The following DNAH17 variants were observed in gnomAD, a reference collection of about 807,000 sequenced individuals.
DNAH17 encodes the protein axonemal beta dynein heavy chain 17.
In DNAH17, 376 loss-of-function variants were observed where a neutral mutation model predicts 485.6. The observed-to-expected ratio is 0.77, with a 90% confidence interval of 0.71 to 0.84. The LOEUF (loss-of-function observed/expected upper bound fraction) is 0.84, where lower values mean the gene tolerates loss of function less well. Ranked by LOEUF, DNAH17 falls within the 40% of genes least tolerant of loss-of-function variation. DNAH17 has a pLI of 0.00. For synonymous variants in DNAH17, 3,031 were observed against 2,405.9 expected (o/e 1.26, Z -7.60); for missense variants, 6,370 against 5,839.3 (o/e 1.09, Z -2.96).
At chr17:78,504,894 C>CTTTT (rs66596656) in intron 31 of DNAH17, among the ~76,000 whole-genome samples, 12 of 58,938 alleles carry the variant, frequency 2.0e-4, no homozygotes, top group African/African-American at 2.8e-4. Flanking sequence ...ATTAACAGGG[C>CTTTT]TTTTTTTTTT....
In DNAH17 at chr17:78,505,418, C is replaced by A. The variant is rs748678130; in HGVS notation, c.4831G>T (p.Asp1611Tyr). The stretch of plus-strand genomic sequence containing the variant: ...CGGAACTTCAGTTTACACAGGCTAT[C>A]GAAGAGTTTGGACAGGTGGCGGCTC... ...EVSRHLSKLF[D>Y]SLCKLKFRLD... Residue 1611 changes from aspartate to tyrosine, a missense_variant, in exon 31 of 81, where the codon GAT becomes TAT. Asp to Tyr is a radical substitution (Grantham distance 160). Transcript: ENST00000389840. 6 of 1,613,802 alleles carry A rather than the reference C, an allele frequency of 3.7e-6. No homozygotes were observed. The highest frequency in any genetic ancestry group is 1.7e-5 in the Admixed American group (1 of 59,996).
chr17:78,537,334 T>C lies in DNAH17; in HGVS notation c.2824A>G (p.Ile942Val), dbSNP rs201727778. Reference protein sequence around the residue: ...VNDIYNVARLIPRLAKDRMNY... With the variant: ...VNDIYNVARLVPRLAKDRMNY... ...ATCCTGTCCTTGGCCAGCCGAGGGATGAGCCTGGCTACGTTGTAGATGTCG... is the reference window on the plus strand; with the variant it reads ...ATCCTGTCCTTGGCCAGCCGAGGGACGAGCCTGGCTACGTTGTAGATGTCG... Residue 942 changes from isoleucine to valine, a missense_variant, in exon 19 of 81, where the codon ATC becomes GTC. Ile to Val is a conservative substitution (Grantham distance 29). Coordinates refer to ENST00000389840, the MANE Select transcript of DNAH17 (RefSeq NM_173628.4). 6.8e-5 allele frequency: 109 copies of C among 1,595,106 alleles called. No homozygotes were observed. In the African/African-American group the frequency reaches 1.3e-3, roughly 19 times the overall value.
chr17:78,453,894 G>A (rs912167048), intron 64 of DNAH17, among the ~76,000 whole-genome samples: 1 of 151,996 alleles, frequency 6.6e-6, no homozygotes, highest in African/African-American at 2.4e-5. Context: ...TTGTTGGAGA[G>A]ACAAGGTCTC....
chr17:78,501,434 C>T, intron 34 of DNAH17, 90 bp from the exon 35 acceptor site: 1 of 1,462,322 alleles, frequency 6.8e-7, no homozygotes, highest in Non-Finnish European at 9.1e-7. Flanking sequence ...AGGCCGGTCC[C>T]CTGCTGCCCA....
intron 51 of DNAH17, among the ~76,000 whole-genome samples, chr17:78,477,942 T>TCACCACCACCATCAC (rs1243475769): frequency 0.017 from 2,488 of 144,584 alleles, 148 homozygotes; most frequent in African/African-American, 0.061. Context: ...ATCACCACCA[T>TCACCACCACCATCAC]CACCATTATC....
intron 40 of DNAH17, 22 bp downstream of exon 40, chr17:78,494,571 C>T (rs528867967): frequency 3.1e-6 from 5 of 1,612,038 alleles, no homozygotes; most frequent in African/African-American, 1.3e-5. Flanking sequence ...TCCGGACAGA[C>T]CTGAGACCCA....
chr17:78,434,336 TG>T, intron 74 of DNAH17, 116 bp from the exon 75 acceptor site: 6 of 910,360 alleles, frequency 6.6e-6, no homozygotes, highest in Non-Finnish European at 8.1e-6. Flanking sequence ...GTGGGGGCGG[TG>T]GGGGGTACAA....
intron 51 of DNAH17, among the ~76,000 whole-genome samples, chr17:78,477,427 G>GACA (rs1236545521): frequency 6.6e-6 from 1 of 151,918 alleles, no homozygotes; most frequent in African/African-American, 2.4e-5. Context: ...TGCCCAGGCT[G>GACA]GAGTGCAGTG....
At chr17:78,452,182 C>A (rs2087583218) in intron 65 of DNAH17, among the ~76,000 whole-genome samples, 1 of 150,146 alleles carries the variant, frequency 6.7e-6, no homozygotes, top group South Asian at 2.2e-4. Flanking sequence ...GAGTCTAGGA[C>A]CTCTGCATAT....
At position 78,505,714 on chromosome 17, in the gene DNAH17, C is replaced by T. The variant is rs767871558; in HGVS notation, c.4804-269G>A. Among the ~76,000 whole-genome samples the T allele has an allele frequency of 3.9e-5, 6 of 152,318 alleles. No homozygotes were observed. The East Asian group carries it at 1.2e-3, about 29-fold the overall frequency. On this transcript the variant is annotated intron_variant, in intron 30 of 80. Transcript: ENST00000389840. ...TTCTTTTTGGTGGGGCATGGTGGCT[C>T]ACACCTGTAATCCCAGCACTTTGGG...
Position 78,475,331 on chromosome 17 carries a change from G to A in DNAH17, c.8458C>T (p.Leu2820Phe), listed in dbSNP as rs768080239. ...LSRLAAYISG[L>F]DVFQITLKKG... ...TTGAGGGTGATCTGAAACACGTCAA[G>A]CCCGCTGATGTACGCTGCCAGGCGG... Residue 2820 changes from leucine (L) to phenylalanine (F), a missense_variant, in exon 54 of 81, where the codon CTT (leucine) becomes TTT (phenylalanine). Leu to Phe is a conservative substitution (Grantham distance 22). Transcript: ENST00000389840. 1 of 1,614,012 alleles carries A rather than the reference G, an allele frequency of 6.2e-7. No homozygotes were observed. The highest frequency in any genetic ancestry group is 8.5e-7 in the Non-Finnish European group (1 of 1,179,900).
At chr17:78,484,553 G>A (rs1167710223) in intron 48 of DNAH17, among the ~76,000 whole-genome samples, 1 of 128,978 alleles carries the variant, frequency 7.8e-6, no homozygotes, top group Non-Finnish European at 1.7e-5. Flanking sequence ...CAGACACCTC[G>A]GTGGAAGGGG....
intron 32 of DNAH17, 41 bp from the exon 33 acceptor site, chr17:78,502,739 C>T (rs751110392): frequency 1.2e-5 from 19 of 1,599,734 alleles, no homozygotes; most frequent in African/African-American, 1.1e-4. Flanking sequence ...AGTGAGCGAT[C>T]GCTGGCGCCT....
chr17:78,526,630 C>G (rs1012056183), intron 24 of DNAH17, 21 bp downstream of exon 24: 2 of 1,576,954 alleles, frequency 1.3e-6, no homozygotes, highest in Non-Finnish European at 1.7e-6. Flanking sequence ...ACCCCCTGAT[C>G]TCACCCTTGA....
rs774289227 is a variant in DNAH17 at position 78,423,921 on chromosome 17, C to T, written c.13374G>A (p.Leu4458=). 9.3e-6 allele frequency: 15 copies of T among 1,613,844 alleles called. No individual in the cohort carries two copies. Among genetic ancestry groups the T allele is most frequent in the Non-Finnish European group, 1.3e-5 (15 of 1,179,884 alleles). ...CAGGAGCGAGCTAAACCTGTAGGAG[C>T]AGCGCCACGGCTGCCAGGATCCACT... ...AAKWILAAVA[L]LLQV is the part of the protein sequence containing the mutation. Residue 4458 remains leucine (L), a synonymous_variant, in exon 81 of 81, where the codon CTG becomes CTA. Transcript: ENST00000389840.
intron 64 of DNAH17, 133 bp downstream of exon 64, chr17:78,454,337 C>CA: frequency 1.5e-6 from 1 of 673,358 alleles, no homozygotes; most frequent in East Asian, 2.7e-5. Flanking sequence ...TGCTGTTCCC[C>CA]AGGCCAGATT....
chr17:78,502,982 G>A lies in DNAH17; in HGVS notation c.4986C>T (p.Asp1662=), dbSNP rs1210642668. 1 of 1,613,704 alleles carries A rather than the reference G, an allele frequency of 6.2e-7. No individual in the cohort carries two copies. Among genetic ancestry groups the A allele is most frequent in the East Asian group, 2.2e-5 (1 of 44,884 alleles). Residue 1662 remains aspartate (D), a synonymous_variant, in exon 32 of 81, where the codon GAC becomes GAT. Transcript: ENST00000389840. ...CGTGCCGGAGGGTAGAGCACATTCGGTCCAGCACTCGATTCAGCCACACTT... is the reference window on the plus strand; with the variant it reads ...CGTGCCGGAGGGTAGAGCACATTCGATCCAGCACTCGATTCAGCCACACTT... ...QVEVWLNRVL[D]RMCSTLRHEI...
At chr17:78,570,597 C>A (rs1381985306) in intron 6 of DNAH17, among the ~76,000 whole-genome samples, 1 of 152,114 alleles carries the variant, frequency 6.6e-6, no homozygotes, top group Non-Finnish European at 1.5e-5. Context: ...TGGTGGCTCA[C>A]GCCTGTAATC....
intron 69 of DNAH17, among the ~76,000 whole-genome samples, chr17:78,448,155 A>G (rs1439035052): frequency 3.3e-5 from 5 of 151,746 alleles, no homozygotes; most frequent in African/African-American, 1.2e-4. Flanking sequence ...CCGGGCAACA[A>G]GAGGAAAACT....
Sources: gnomAD v4.1 joint callset for allele counts (sites outside exome capture counted in the v4.1 genomes callset) on GRCh38, gnomAD v4.1.1 for gene constraint, MANE v1.5 for transcripts, NCBI Gene and HGNC (gene_info 2026-07-23, HGNC 2026-07-21) for gene names.